The following UCN2 variants were observed in gnomAD, a reference collection of about 807,000 sequenced individuals.
The protein encoded by UCN2 is urocortin 2, also known as urocortin-2.
Under a neutral mutation model 1.6 loss-of-function variants are expected in UCN2, and 3 were observed. That is an observed-to-expected ratio of 1.88 (90% CI 0.85 to 4.85). The LOEUF (loss-of-function observed/expected upper bound fraction) is 4.85, where lower values mean the gene tolerates loss of function less well. Ranked by LOEUF, UCN2 falls within the 30% of genes most tolerant of loss-of-function variation. The pLI is 0.02. For synonymous variants in UCN2, 64 were observed against 66.0 expected, an observed-to-expected ratio of 0.97 and a Z score of 0.15; for missense variants, 127 against 150.8, an observed-to-expected ratio of 0.84 and a Z score of 0.83.
At position 48,562,903 on chromosome 3, in the gene UCN2, T is replaced by A; in HGVS notation, c.222A>T (p.Leu74=). The change falls in exon 2 of 2, where the codon CTA becomes CTT. Residue 74 remains leucine (L), a synonymous_variant. Coordinates refer to ENST00000273610, the MANE Select transcript of UCN2 (RefSeq NM_033199.4). The surrounding 1 kb of genome is among the most constrained non-coding windows in gnomAD (Gnocchi z 4.3). ...PTRHPGSRIV[L]SLDVPIGLLQ... is the part of the protein sequence containing the mutation. ...AGAGGCCGATGGGGACATCCAGCGA[T>A]AGGACAATGCGCGAGCCAGGGTGGC... The A allele has an allele frequency of 6.2e-7, 1 of 1,605,808 alleles. No homozygotes were observed. The highest frequency in any genetic ancestry group is 1.3e-5 in the African/African-American group (1 of 74,944).
In UCN2 at chr3:48,562,856, G is replaced by A. The variant is rs2043456517; in HGVS notation, c.269C>T (p.Ala90Val). The A allele has an allele frequency of 6.3e-7, 1 of 1,590,870 alleles. No individual in the cohort carries two copies. ...IGLLQILLEQARARAAREQAT... is the reference protein window; with the variant it reads ...IGLLQILLEQVRARAAREQAT... Reference sequence around the variant, plus strand: ...CTGCTCCCTGGCAGCCCTGGCCCGGGCTTGCTCCAGTAAGATCTGCAAGAG... The same window carrying A: ...CTGCTCCCTGGCAGCCCTGGCCCGGACTTGCTCCAGTAAGATCTGCAAGAG... The change falls in exon 2 of 2, where the codon GCC (alanine) becomes GTC (valine). Residue 90 changes from alanine to valine, a missense_variant. By Grantham distance (64) the Ala-to-Val change is moderately conservative. Transcript: ENST00000273610. This position sits in a 1 kb window ranked among gnomAD's most constrained non-coding sequence, Gnocchi z 4.3.
Position 48,562,837 on chromosome 3 carries a change from C to G in UCN2, c.288G>C (p.Arg96Ser), listed in dbSNP as rs368657396. The change falls in exon 2 of 2, where the codon AGG becomes AGC. Residue 96 changes from arginine (R) to serine (S), a missense_variant. Arg to Ser is a moderately radical substitution (Grantham distance 110, BLOSUM62 -1). This residue lies in a region of UCN2 where 122 missense variants were observed against 131.5 expected (regional missense o/e 0.93). Transcript: ENST00000273610. This position sits in a 1 kb window ranked among gnomAD's most constrained non-coding sequence, Gnocchi z 4.3. ...TGCGGGCGTTGGTGGTGGCCTGCTC[C>G]CTGGCAGCCCTGGCCCGGGCTTGCT... Reference protein sequence around the residue: ...LLEQARARAAREQATTNARIL... With the variant: ...LLEQARARAASEQATTNARIL... The G allele has an allele frequency of 9.4e-5, 148 of 1,580,770 alleles. 1 individual carries two copies. The South Asian group carries it at 1.6e-3, about 17-fold the overall frequency.
chr3:48,563,010 T>C lies in UCN2; in HGVS notation c.115A>G (p.Thr39Ala). 6.2e-7 allele frequency: 1 copy of C among 1,602,634 alleles called. No individual in the cohort carries two copies. Among genetic ancestry groups the C allele is most frequent in the Non-Finnish European group, 8.5e-7 (1 of 1,176,342 alleles). Residue 39 changes from threonine to alanine, a missense_variant, in exon 2 of 2, where the codon ACT (threonine) becomes GCT (alanine). Physicochemically the swap from Thr to Ala is moderately conservative, Grantham distance 58. Transcript: ENST00000273610. This position sits in a 1 kb window ranked among gnomAD's most constrained non-coding sequence, Gnocchi z 4.5. Reference protein sequence around the residue: ...QLRPQNSPQTTPRPAASESPS... With the variant: ...QLRPQNSPQTAPRPAASESPS... ...CTCTCTGAGGCCGCAGGTCGGGGAG[T>C]GGTCTGGGGAGAATTCTGAGGGCGG...
In UCN2 at chr3:48,563,360, A is replaced by C. The variant is rs1193484021; in HGVS notation, c.-12-224T>G. Among the ~76,000 whole-genome samples, 3 of 152,128 alleles carry C rather than the reference A, an allele frequency of 2.0e-5. No individual in the cohort carries two copies. Among genetic ancestry groups the C allele is most frequent in the Non-Finnish European group, 1.5e-5 (1 of 68,008 alleles). ...AAGCAAGACAGAAAAAAAGAAACAA[A>C]GAAATCCAGAGACAGAGGGACAGCA... On this transcript the variant is annotated intron_variant, in intron 1 of 1. Transcript: ENST00000273610. The surrounding 1 kb of genome is among the most constrained non-coding windows in gnomAD (Gnocchi z 4.5).
chr3:48,563,249 C>T lies in UCN2; in HGVS notation c.-12-113G>A, dbSNP rs1440344652. 4.2e-6 allele frequency: 4 copies of T among 941,900 alleles called. No homozygotes were observed. The highest frequency in any genetic ancestry group is 2.7e-5 in the East Asian group (1 of 37,484). 58.3% of individuals were successfully genotyped at this position (941,900 alleles called of 1,614,324 possible). A position where few individuals can be genotyped will look rare whatever the true frequency, so the allele number is the denominator to read the frequency against. On this transcript the variant is annotated intron_variant, in intron 1 of 1. Transcript: ENST00000273610. The surrounding 1 kb of genome is among the most constrained non-coding windows in gnomAD (Gnocchi z 4.5). ...CGGGGGATGGAGAGAGAGGAAGACA[C>T]CGAGAAAGGGGTTAGAGAGGCCAGG...
chr3:48,562,256 CAAGT>C lies in UCN2; in HGVS notation c.*526_*529del, dbSNP rs1290000273. 6.4e-6 allele frequency: 1 copy of C among 155,514 alleles called. No individual in the cohort carries two copies. Among genetic ancestry groups the C allele is most frequent in the Non-Finnish European group, 1.4e-5 (1 of 70,042 alleles). 9.6% of individuals were successfully genotyped at this position (155,514 alleles called of 1,614,324 possible). Reference sequence around the variant, plus strand: ...GCTGCCTCATGGGGCACAGAGCAAGCAAGTGACCCTCAGCCAGCATTTCTCTGTG... The same window carrying C: ...GCTGCCTCATGGGGCACAGAGCAAGCGACCCTCAGCCAGCATTTCTCTGTG... On this transcript the variant is annotated 3_prime_UTR_variant, in exon 2 of 2. Transcript: ENST00000273610. This position sits in a 1 kb window ranked among gnomAD's most constrained non-coding sequence, Gnocchi z 4.3.
At position 48,562,854 on chromosome 3, in the gene UCN2, G is replaced by A. The variant is rs759289349; in HGVS notation, c.271C>T (p.Arg91Trp). 4.9e-5 allele frequency: 78 copies of A among 1,589,632 alleles called. 1 individual carries two copies. The highest frequency in any genetic ancestry group is 2.9e-4 in the South Asian group (25 of 87,516). The change falls in exon 2 of 2, where the codon CGG (arginine) becomes TGG (tryptophan). Residue 91 changes from arginine (R) to tryptophan (W), a missense_variant. Physicochemically the swap from Arg to Trp is moderately radical, Grantham distance 101 (BLOSUM62 -3). Transcript: ENST00000273610. The surrounding 1 kb of genome is among the most constrained non-coding windows in gnomAD (Gnocchi z 4.3). The part of the protein sequence containing the change: ...GLLQILLEQA[R>W]ARAAREQATT... ...GCCTGCTCCCTGGCAGCCCTGGCCCGGGCTTGCTCCAGTAAGATCTGCAAG... is the reference window on the plus strand; with the variant it reads ...GCCTGCTCCCTGGCAGCCCTGGCCCAGGCTTGCTCCAGTAAGATCTGCAAG...
rs943568110 is a variant in UCN2 at position 48,563,757 on chromosome 3, G to C, written c.-67C>G. ...CCTGCTGTGGCTGCCTGGGGCTGGG[G>C]CCAGGCACTACTGTCCTGTGGTCTG... On this transcript the variant is annotated 5_prime_UTR_variant, in exon 1 of 2. Coordinates refer to ENST00000273610, the MANE Select transcript of UCN2 (RefSeq NM_033199.4). This position sits in a 1 kb window ranked among gnomAD's most constrained non-coding sequence, Gnocchi z 4.5. 6.1e-6 allele frequency: 1 copy of C among 164,066 alleles called. No homozygotes were observed. The highest frequency in any genetic ancestry group is 2.4e-5 in the African/African-American group (1 of 41,520). The allele number at this position is 164,066 out of a possible 1,614,324, so 10.2% of individuals were successfully genotyped here. A position where few individuals can be genotyped will look rare whatever the true frequency, so the allele number is the denominator to read the frequency against.
rs1176880828 is a variant in UCN2 at position 48,563,085 on chromosome 3, A to ACATCAGGAC, written c.31_39dup (p.Val11_Met13dup). ...ACTGGGACAACCAGGACTCTGCCCA[A>ACATCAGGAC]CATCAGGACCATCAGCAACAGCAGA... On this transcript the variant is annotated inframe_insertion, in exon 2 of 2. Coordinates refer to ENST00000273610, the MANE Select transcript of UCN2 (RefSeq NM_033199.4). The surrounding 1 kb of genome is among the most constrained non-coding windows in gnomAD (Gnocchi z 4.5). 6.2e-7 allele frequency: 1 copy of ACATCAGGAC among 1,611,866 alleles called. No homozygotes were observed. The highest frequency in any genetic ancestry group is 8.5e-7 in the Non-Finnish European group (1 of 1,179,514).
chr3:48,562,547 A>G lies in UCN2; in HGVS notation c.*239T>C, dbSNP rs941907797. On this transcript the variant is annotated 3_prime_UTR_variant, in exon 2 of 2. Transcript: ENST00000273610. The surrounding 1 kb of genome is among the most constrained non-coding windows in gnomAD (Gnocchi z 4.3). ...CAAGACTCCATGTGGCAGTGACCCA[A>G]CTTAGCAATGTCCAATGTCCAGGCT... is the stretch of plus-strand genomic sequence containing the variant. 3 of 553,002 alleles carry G rather than the reference A, an allele frequency of 5.4e-6. No homozygotes were observed. Among genetic ancestry groups the G allele is most frequent in the Non-Finnish European group, 9.5e-6 (3 of 316,138 alleles). 34.3% of individuals were successfully genotyped at this position (553,002 alleles called of 1,614,324 possible).
In UCN2 at chr3:48,563,156, T is replaced by A. The variant is rs1263443198; in HGVS notation, c.-12-20A>T. 1 of 1,587,118 alleles carries A rather than the reference T, an allele frequency of 6.3e-7. No homozygotes were observed. Among genetic ancestry groups the A allele is most frequent in the Non-Finnish European group, 8.6e-7 (1 of 1,167,034 alleles). On this transcript the variant is annotated intron_variant, in intron 1 of 1. Transcript: ENST00000273610. The surrounding 1 kb of genome is among the most constrained non-coding windows in gnomAD (Gnocchi z 4.5). ...GTCAGGCTGCAAGGAGAAAATGGGC[T>A]CAGGGCAGGGGCTCTGGTCAACTGG... is the stretch of plus-strand genomic sequence containing the variant.
chr3:48,563,606 A>C lies in UCN2; in HGVS notation c.-13+97T>G. 1.2e-5 allele frequency: 2 copies of C among 162,616 alleles called. No homozygotes were observed. Among genetic ancestry groups the C allele is most frequent in the Non-Finnish European group, 2.7e-5 (2 of 73,988 alleles). The allele number at this position is 162,616 out of a possible 1,614,324, so 10.1% of individuals were successfully genotyped here. A position where few individuals can be genotyped will look rare whatever the true frequency, so the allele number is the denominator to read the frequency against. ...CTCAGAGGCAGAAAAGCAGCCAGAG[A>C]TCCCAGAGTCCCCTGGGTCCAAGCC... On this transcript the variant is annotated intron_variant, in intron 1 of 1. Coordinates refer to ENST00000273610, the MANE Select transcript of UCN2 (RefSeq NM_033199.4). The surrounding 1 kb of genome is among the most constrained non-coding windows in gnomAD (Gnocchi z 4.5).
In UCN2 at chr3:48,563,224, C is replaced by T. The variant is rs1435658878; in HGVS notation, c.-12-88G>A. ...AGATGGCAAGGGCAGAGTGACAGAG[C>T]GGGGGATGGAGAGAGAGGAAGACAC... On this transcript the variant is annotated intron_variant, in intron 1 of 1. Coordinates refer to ENST00000273610, the MANE Select transcript of UCN2 (RefSeq NM_033199.4). The surrounding 1 kb of genome is among the most constrained non-coding windows in gnomAD (Gnocchi z 4.5). The T allele has an allele frequency of 8.4e-6, 10 of 1,186,202 alleles. No individual in the cohort carries two copies. Among genetic ancestry groups the T allele is most frequent in the African/African-American group, 6.2e-5 (4 of 64,898 alleles). The allele number at this position is 1,186,202 out of a possible 1,614,324, so 73.5% of individuals were successfully genotyped here. A position where few individuals can be genotyped will look rare whatever the true frequency, so the allele number is the denominator to read the frequency against.
At position 48,563,255 on chromosome 3, in the gene UCN2, A is replaced by T. The variant is rs2043467417; in HGVS notation, c.-12-119T>A. 1 of 904,622 alleles carries T rather than the reference A, an allele frequency of 1.1e-6. No homozygotes were observed. The highest frequency in any genetic ancestry group is 1.7e-5 in the African/African-American group (1 of 59,362). The allele number at this position is 904,622 out of a possible 1,614,324, so 56.0% of individuals were successfully genotyped here. A position where few individuals can be genotyped will look rare whatever the true frequency, so the allele number is the denominator to read the frequency against. Reference sequence around the variant, plus strand: ...ATGGAGAGAGAGGAAGACACCGAGAAAGGGGTTAGAGAGGCCAGGCCAGGC... The same window carrying T: ...ATGGAGAGAGAGGAAGACACCGAGATAGGGGTTAGAGAGGCCAGGCCAGGC... On this transcript the variant is annotated intron_variant, in intron 1 of 1. Transcript: ENST00000273610. This position sits in a 1 kb window ranked among gnomAD's most constrained non-coding sequence, Gnocchi z 4.5.
Position 48,562,527 on chromosome 3 carries a change from C to T in UCN2, c.*259G>A, listed in dbSNP as rs985970067. 1.9e-6 allele frequency: 1 copy of T among 533,594 alleles called. No individual in the cohort carries two copies. The highest frequency in any genetic ancestry group is 3.3e-6 in the Non-Finnish European group (1 of 303,842). 33.1% of individuals were successfully genotyped at this position (533,594 alleles called of 1,614,324 possible). A position where few individuals can be genotyped will look rare whatever the true frequency, so the allele number is the denominator to read the frequency against. On this transcript the variant is annotated 3_prime_UTR_variant, in exon 2 of 2. Coordinates refer to ENST00000273610, the MANE Select transcript of UCN2 (RefSeq NM_033199.4). This position sits in a 1 kb window ranked among gnomAD's most constrained non-coding sequence, Gnocchi z 4.3. ...TGTGGGGCACACAGGCATGGCAAGA[C>T]TCCATGTGGCAGTGACCCAACTTAG...
chr3:48,562,772 C>G lies in UCN2; in HGVS notation c.*14G>C. ...TCCAGGGTGGCCCTATCACTGTGAC[C>G]CCCTCTCTCAGGCTCAGCAGTGGCC... On this transcript the variant is annotated 3_prime_UTR_variant, in exon 2 of 2. Coordinates refer to ENST00000273610, the MANE Select transcript of UCN2 (RefSeq NM_033199.4). This position sits in a 1 kb window ranked among gnomAD's most constrained non-coding sequence, Gnocchi z 4.3. 1 of 1,533,550 alleles carries G rather than the reference C, an allele frequency of 6.5e-7. No homozygotes were observed. Among genetic ancestry groups the G allele is most frequent in the African/African-American group, 1.4e-5 (1 of 73,108 alleles). 95.0% of individuals were successfully genotyped at this position (1,533,550 alleles called of 1,614,324 possible).
At position 48,563,232 on chromosome 3, in the gene UCN2, G is replaced by A. The variant is rs1438579290; in HGVS notation, c.-12-96C>T. 12 of 1,085,666 alleles carry A rather than the reference G, an allele frequency of 1.1e-5. No homozygotes were observed. Among genetic ancestry groups the A allele is most frequent in the Non-Finnish European group, 1.6e-5 (12 of 760,804 alleles). The allele number at this position is 1,085,666 out of a possible 1,614,324, so 67.3% of individuals were successfully genotyped here. ...AGGGCAGAGTGACAGAGCGGGGGATGGAGAGAGAGGAAGACACCGAGAAAG... is the reference window on the plus strand; with the variant it reads ...AGGGCAGAGTGACAGAGCGGGGGATAGAGAGAGAGGAAGACACCGAGAAAG... On this transcript the variant is annotated intron_variant, in intron 1 of 1. Coordinates refer to ENST00000273610, the MANE Select transcript of UCN2 (RefSeq NM_033199.4). The surrounding 1 kb of genome is among the most constrained non-coding windows in gnomAD (Gnocchi z 4.5).
chr3:48,562,433 C>T lies in UCN2; in HGVS notation c.*353G>A, dbSNP rs1321321952. 3.4e-6 allele frequency: 1 copy of T among 296,418 alleles called. No individual in the cohort carries two copies. The highest frequency in any genetic ancestry group is 6.3e-6 in the Non-Finnish European group (1 of 157,998). The allele number at this position is 296,418 out of a possible 1,614,324, so 18.4% of individuals were successfully genotyped here. A position where few individuals can be genotyped will look rare whatever the true frequency, so the allele number is the denominator to read the frequency against. Reference sequence around the variant, plus strand: ...GTTCTGTGACTATGGGGCACCCAGACATAGCAAGACTCGCCACAGCAGTGA... The same window carrying T: ...GTTCTGTGACTATGGGGCACCCAGATATAGCAAGACTCGCCACAGCAGTGA... On this transcript the variant is annotated 3_prime_UTR_variant, in exon 2 of 2. Coordinates refer to ENST00000273610, the MANE Select transcript of UCN2 (RefSeq NM_033199.4). The surrounding 1 kb of genome is among the most constrained non-coding windows in gnomAD (Gnocchi z 4.3).
At position 48,562,860 on chromosome 3, in the gene UCN2, G is replaced by C; in HGVS notation, c.265C>G (p.Gln89Glu). The change falls in exon 2 of 2, where the codon CAA becomes GAA. Residue 89 changes from glutamine to glutamate, a missense_variant. This residue lies in a region of UCN2 where 122 missense variants were observed against 131.5 expected (regional missense o/e 0.93). Transcript: ENST00000273610. The surrounding 1 kb of genome is among the most constrained non-coding windows in gnomAD (Gnocchi z 4.3). ...TCCCTGGCAGCCCTGGCCCGGGCTT[G>C]CTCCAGTAAGATCTGCAAGAGGCCG... ...PIGLLQILLEQARARAAREQA... is the reference protein window; with the variant it reads ...PIGLLQILLEEARARAAREQA... 6.3e-7 allele frequency: 1 copy of C among 1,593,480 alleles called. No individual in the cohort carries two copies. The highest frequency in any genetic ancestry group is 1.1e-5 in the South Asian group (1 of 87,914).
Sources: allele counts gnomAD v4.1 joint callset (sites outside exome capture counted in the v4.1 genomes callset), GRCh38; gene constraint gnomAD v4.1.1; regional missense constraint gnomAD v4.1.1; non-coding constraint Gnocchi (gnomAD v3.1); transcripts MANE v1.5; gene names NCBI Gene and HGNC (gene_info 2026-07-23, HGNC 2026-07-21).